The following ING4 variants were observed in gnomAD, a reference collection of about 807,000 sequenced individuals.
ING4 encodes inhibitor of growth family member 4, also known as inhibitor of growth protein 4.
A neutral mutation model predicts 33.1 loss-of-function variants in ING4; 28 were observed. The ratio of observed to expected loss-of-function variants is 0.85; its 90% CI spans 0.63 to 1.16. The LOEUF is 1.16. ING4 is among the 50% of genes most tolerant of loss of function. The pLI is 0.00. For missense variants in ING4, 247 were observed against 314.7 expected (o/e 0.78, Z 1.63); for synonymous variants, 87 against 104.4 (o/e 0.83, Z 1.02).
intron 2 of ING4, among the ~76,000 whole-genome samples, chr12:6,654,772 T>A (rs1439423849): frequency 1.3e-5 from 2 of 152,216 alleles, no homozygotes; most frequent in African/African-American, 2.4e-5. Flanking sequence ...TTGCCCAGGC[T>A]GGTGTGCAGT....
chr12:6,653,719 T>TTGC (rs1336446704), intron 2 of ING4, among the ~76,000 whole-genome samples: 1 of 152,220 alleles, frequency 6.6e-6, no homozygotes, highest in Admixed American at 6.5e-5. Context: ...TTTGAAGGGC[T>TTGC]TGCTGCTTCT....
intron 6 of ING4, 122 bp downstream of exon 6, chr12:6,652,149 T>G: frequency 4.9e-6 from 6 of 1,231,278 alleles, no homozygotes; most frequent in Non-Finnish European, 6.8e-6. Context: ...CAAGAGCTAC[T>G]ACGTCCAGCC....
At chr12:6,656,189 GAC>G (rs1039911156) in intron 2 of ING4, among the ~76,000 whole-genome samples, 1 of 144,896 alleles carries the variant, frequency 6.9e-6, no homozygotes, top group African/African-American at 2.6e-5. Flanking sequence ...TTTTTTTTGA[GAC>G]AGAGTCTTGC....
intron 7 of ING4, 24 bp from the exon 8 acceptor site, chr12:6,651,258 A>G: frequency 6.2e-7 from 1 of 1,614,114 alleles, no homozygotes; most frequent in Non-Finnish European, 8.5e-7. Context: ...GGGGAGAGAA[A>G]AGTGAGTGAA....
chr12:6,653,095 A>G (rs751977103), intron 3 of ING4, 45 bp from the exon 4 acceptor site: 1 of 1,599,530 alleles, frequency 6.3e-7, no homozygotes, highest in Non-Finnish European at 8.6e-7. Flanking sequence ...AACTATCTCC[A>G]ATTAAAGAAA....
chr12:6,657,613 C>A (rs921175352), intron 1 of ING4, among the ~76,000 whole-genome samples: 1 of 152,060 alleles, frequency 6.6e-6, no homozygotes, highest in Non-Finnish European at 1.5e-5. Flanking sequence ...CCACCCTTTT[C>A]GCCTTCAGTG....
At chr12:6,659,522 CA>C (rs1308473775) in intron 1 of ING4, among the ~76,000 whole-genome samples, 2 of 147,494 alleles carry the variant, frequency 1.4e-5, no homozygotes, top group African/African-American at 5.0e-5. Flanking sequence ...CAAAACAAAA[CA>C]AAAATTAGGC....
At chr12:6,651,280 C>T in intron 7 of ING4, 44 bp downstream of exon 7, 8 of 1,613,760 alleles carry the variant, frequency 5.0e-6, no homozygotes, top group Non-Finnish European at 6.8e-6. Context: ...GGGAGAATGC[C>T]CTTGACCACT....
At chr12:6,661,353 C>T (rs1215421762) in intron 1 of ING4, among the ~76,000 whole-genome samples, 1 of 151,810 alleles carries the variant, frequency 6.6e-6, no homozygotes, top group Non-Finnish European at 1.5e-5. Context: ...GCCTCAGCCT[C>T]CCAAAGTGTT....
At chr12:6,653,425 A>G (rs775783201) in intron 2 of ING4, 29 bp from the exon 3 acceptor site, 13 of 1,605,096 alleles carry the variant, frequency 8.1e-6, no homozygotes, top group South Asian at 6.7e-5. Flanking sequence ...CCTGGTCACA[A>G]TGGCCCCTGA....
At position 6,651,370 on chromosome 12, in the gene ING4, A is replaced by G; in HGVS notation, c.661T>C (p.Phe221Leu). ...GTCAGCCCCACACAGGCAAAATGGA[A>G]CCACTCAATGGAACACTGGAAGAGG... ...CDNPDCSIEW[F>L]HFACVGLTTK... is the part of the protein sequence containing the mutation. Residue 221 changes from phenylalanine to leucine, a missense_variant, in exon 7 of 8, where the codon TTC (phenylalanine) becomes CTC (leucine). Physicochemically the swap from Phe to Leu is conservative, Grantham distance 22. Coordinates refer to ENST00000341550, the MANE Select transcript of ING4 (RefSeq NM_016162.4). 6.2e-7 allele frequency: 1 copy of G among 1,614,116 alleles called. No individual in the cohort carries two copies. The highest frequency in any genetic ancestry group is 8.5e-7 in the Non-Finnish European group (1 of 1,179,990).
Position 6,652,929 on chromosome 12 carries a change from T to C in ING4, c.391+7A>G, listed in dbSNP as rs1592317681. The C allele has an allele frequency of 3.1e-6, 5 of 1,600,390 alleles. No individual in the cohort carries two copies. Among genetic ancestry groups the C allele is most frequent in the Non-Finnish European group, 4.3e-6 (5 of 1,168,476 alleles). ...CCCCACCTCTCACAGCCCCGCCCCCTCCTCACTCTTTTTGCCTTTGCTGGA... is the reference window on the plus strand; with the variant it reads ...CCCCACCTCTCACAGCCCCGCCCCCCCCTCACTCTTTTTGCCTTTGCTGGA... On this transcript the variant is annotated splice_region_variant and intron_variant, in intron 4 of 7. Transcript: ENST00000341550.
At chr12:6,655,869 C>A (rs1949335816) in intron 2 of ING4, 1 of 456,214 alleles carries the variant, frequency 2.2e-6, no homozygotes, top group African/African-American at 2.0e-5. Flanking sequence ...CCCAATGCAG[C>A]CAAATTTGCT....
rs556758756 is a variant in ING4, at chr12:6,656,200, GCT to G, written c.109+525_109+526del. Among the ~76,000 whole-genome samples the G allele has an allele frequency of 6.9e-4, 100 of 144,680 alleles. 2 individuals carry two copies. The Middle Eastern group carries it at 0.014, about 21-fold the overall frequency. The allele number at this position is 144,680 out of a possible 152,430, so 94.9% of individuals were successfully genotyped here. A position where few individuals can be genotyped will look rare whatever the true frequency, so the allele number is the denominator to read the frequency against. ...TTTTTTTTTTTTGAGACAGAGTCTT[GCT>G]CTGTTGCCTAGGCTGGAGTGCAGTG... On this transcript the variant is annotated intron_variant, in intron 2 of 7. Transcript: ENST00000341550.
At chr12:6,652,798 C>T in intron 4 of ING4, 31 bp from the exon 5 acceptor site, 1 of 1,605,962 alleles carries the variant, frequency 6.2e-7, no homozygotes, top group Non-Finnish European at 8.5e-7. Context: ...AGCCAGAAGG[C>T]AGGGAGACAG....
In ING4 at chr12:6,652,389, G is replaced by A. The variant is rs1051146228; in HGVS notation, c.527C>T (p.Thr176Ile). The A allele has an allele frequency of 1.2e-6, 2 of 1,614,092 alleles. No individual in the cohort carries two copies. The highest frequency in any genetic ancestry group is 2.2e-5 in the East Asian group (1 of 44,878). Residue 176 changes from threonine (T) to isoleucine (I), a missense_variant, in exon 6 of 8, where the codon ACC (threonine) becomes ATC (isoleucine). Thr to Ile is a moderately conservative substitution (Grantham distance 89, BLOSUM62 -1). Transcript: ENST00000341550. ...ATCAGAGGGGTGGACACTGCCAAAG[G>A]TCACTGAGGGCATCCCATACTCAGG... ...TSPEYGMPSV[T>I]FGSVHPSDVL...
chr12:6,661,893 T>C (rs1949566982), intron 1 of ING4, among the ~76,000 whole-genome samples: 1 of 152,214 alleles, frequency 6.6e-6, no homozygotes, highest in Admixed American at 6.5e-5. Context: ...AATTGATCTC[T>C]GTTATCAACA....
chr12:6,653,319 C>A lies in ING4; in HGVS notation c.187G>T (p.Ala63Ser), dbSNP rs767676441. 1 of 1,614,138 alleles carries A rather than the reference C, an allele frequency of 6.2e-7. No individual in the cohort carries two copies. ...GCTTCCTGGATCTGTTTGAGAAGGG[C>A]CAATTTTTCCTCGGAGCTCAGGCTG... ...ARSLSSEEKL[A>S]LLKQIQEAYG... The change falls in exon 3 of 8, where the codon GCC (alanine) becomes TCC (serine). Residue 63 changes from alanine to serine, a missense_variant. By Grantham distance (99) the Ala-to-Ser change is moderately conservative (BLOSUM62 1). Coordinates refer to ENST00000341550, the MANE Select transcript of ING4 (RefSeq NM_016162.4).
intron 2 of ING4, 55 bp downstream of exon 2, chr12:6,656,672 A>C: frequency 9.9e-7 from 1 of 1,013,854 alleles, no homozygotes; most frequent in Non-Finnish European, 1.5e-6. Context: ...TCAAGTAGAA[A>C]AATAAATGAT....
Sources: allele counts gnomAD v4.1 joint callset (sites outside exome capture counted in the v4.1 genomes callset), GRCh38; gene constraint gnomAD v4.1.1; transcripts MANE v1.5; gene names NCBI Gene and HGNC (gene_info 2026-07-23, HGNC 2026-07-21).